Variants in JMJD1C observed in about 807,000 individuals in gnomAD.
The protein encoded by JMJD1C is jumonji domain containing 1C.
In JMJD1C, 31 loss-of-function variants were observed where a neutral mutation model predicts 245.3. The ratio of observed to expected loss-of-function variants is 0.13; its 90% confidence interval spans 0.09 to 0.17. The LOEUF is 0.17. JMJD1C is among the 10% of genes least tolerant of loss of function. The pLI is 1.00. For missense variants in JMJD1C, 2,691 were observed against 3,000.2 expected (o/e 0.90, Z 2.41); for synonymous variants, 1,057 against 1,017.4 (o/e 1.04, Z -0.74).
chr10:63,377,242 G>C (rs1328662652), intron 2 of JMJD1C, among the ~76,000 whole-genome samples: 1 of 152,158 alleles, frequency 6.6e-6, no homozygotes, highest in African/African-American at 2.4e-5. Context: ...GGGCCAGGAA[G>C]ACGGGGGAAT....
chr10:63,432,991 C>T (rs2132855779), intron 1 of JMJD1C, among the ~76,000 whole-genome samples: 1 of 152,308 alleles, frequency 6.6e-6, no homozygotes, highest in Admixed American at 6.5e-5. Flanking sequence ...CTGAGTTCTT[C>T]TCTTCACTGT....
intron 1 of JMJD1C, among the ~76,000 whole-genome samples, chr10:63,496,647 GTTT>G (rs1369975278): frequency 6.6e-6 from 1 of 152,212 alleles, no homozygotes; most frequent in Non-Finnish European, 1.5e-5. Flanking sequence ...GATAGCCTCA[GTTT>G]CTGTCCCAAA....
At chr10:63,312,117 G>T (rs10995498) in intron 2 of JMJD1C, among the ~76,000 whole-genome samples, 6,760 of 92,080 alleles carry the variant, frequency 0.073, 263 homozygotes, top group African/African-American at 0.13. Context: ...TTTTTTTTTT[G>T]TGTGTGTGAG....
intron 2 of JMJD1C, among the ~76,000 whole-genome samples, chr10:63,315,223 GGTACTGA>G (rs1939814156): frequency 6.6e-6 from 1 of 152,212 alleles, no homozygotes; most frequent in East Asian, 1.9e-4. Flanking sequence ...TCATCACCCA[GGTACTGA>G]GCATAGTACC....
chr10:63,271,905 T>A (rs1184079237), intron 2 of JMJD1C, among the ~76,000 whole-genome samples: 1 of 151,842 alleles, frequency 6.6e-6, no homozygotes, highest in Non-Finnish European at 1.5e-5. Context: ...CAAACCCCGT[T>A]TGTACTAAAA....
rs78837621 is a variant in JMJD1C at position 63,342,136 on chromosome 10, G to A, written c.333+38182C>T. ...GCTAAAGGAAGTAGATAACGAAGAC[G>A]ACTTTGACACTGATAATGATATTCC... On this transcript the variant is annotated intron_variant, in intron 2 of 25. Transcript: ENST00000399262. 5.9e-3 allele frequency among the ~76,000 whole-genome samples: 892 copies of A among 152,306 alleles called. 5 individuals are homozygous for A. The highest frequency in any genetic ancestry group is 0.016 in the African/African-American group (661 of 41,552).
In JMJD1C at chr10:63,248,679, T is replaced by C. The variant is rs183701472; in HGVS notation, c.447+15972A>G. ...TTGTGAAAAACAACATGGAAACTTC[T>C]CAGAAAACTAAAAATATAACTATGA... On this transcript the variant is annotated intron_variant, in intron 3 of 25. Coordinates refer to ENST00000399262, the MANE Select transcript of JMJD1C (RefSeq NM_032776.3). Among the ~76,000 whole-genome samples, 15 of 152,228 alleles carry C rather than the reference T, an allele frequency of 9.9e-5. No individual in the cohort carries two copies. The East Asian group carries it at 1.5e-3, about 16-fold the overall frequency.
chr10:63,231,908 G>A (rs1850062853), intron 3 of JMJD1C, among the ~76,000 whole-genome samples: 1 of 152,158 alleles, frequency 6.6e-6, no homozygotes, highest in Non-Finnish European at 1.5e-5. Flanking sequence ...TGTGATCACA[G>A]CTCACTGCAG....
intron 1 of JMJD1C, among the ~76,000 whole-genome samples, chr10:63,516,220 T>A (rs1955014596): frequency 7.4e-6 from 1 of 135,836 alleles, no homozygotes; most frequent in Non-Finnish European, 1.6e-5. Context: ...TGGGTATGTT[T>A]CTGGACTTTG....
intron 1 of JMJD1C, among the ~76,000 whole-genome samples, chr10:63,394,743 C>T (rs749532462): frequency 9.9e-5 from 15 of 151,806 alleles, no homozygotes; most frequent in Non-Finnish European, 2.1e-4. Context: ...ACTTGGGAGG[C>T]TGAGGCAGGA....
chr10:63,308,625 G>A (rs1442320237), intron 2 of JMJD1C, among the ~76,000 whole-genome samples: 1 of 144,110 alleles, frequency 6.9e-6, no homozygotes, highest in Non-Finnish European at 1.5e-5. Context: ...AAAAAAAACA[G>A]TTGGAAGCTT....
At chr10:63,507,535 C>T (rs1038608611) in intron 1 of JMJD1C, among the ~76,000 whole-genome samples, 8 of 149,466 alleles carry the variant, frequency 5.4e-5, no homozygotes, top group Non-Finnish European at 1.5e-5. Context: ...ATCCTAGCTA[C>T]TCGGGAGACT....
At chr10:63,226,939 G>A (rs547073570) in intron 3 of JMJD1C, among the ~76,000 whole-genome samples, 6 of 151,934 alleles carry the variant, frequency 3.9e-5, no homozygotes, top group South Asian at 2.1e-4. Flanking sequence ...GTAGTGGTGC[G>A]CATCTATAAT....
At chr10:63,414,057 G>A (rs1025931323) in intron 1 of JMJD1C, among the ~76,000 whole-genome samples, 2 of 149,970 alleles carry the variant, frequency 1.3e-5, no homozygotes, top group Non-Finnish European at 2.9e-5. Context: ...TGCGATCTTG[G>A]CTCACTGCAA....
chr10:63,204,973 G>T, intron 10 of JMJD1C: 1 of 984,894 alleles, frequency 1.0e-6, no homozygotes, highest in Non-Finnish European at 1.2e-6. Flanking sequence ...TTCATATATT[G>T]TATGTGGATG....
At chr10:63,513,017 T>A (rs1954916372) in intron 1 of JMJD1C, among the ~76,000 whole-genome samples, 1 of 152,226 alleles carries the variant, frequency 6.6e-6, no homozygotes, top group South Asian at 2.1e-4. Context: ...TTTTTTACTA[T>A]TTTTTATTCT....
intron 1 of JMJD1C, chr10:63,382,689 T>C: frequency 4.6e-6 from 2 of 437,910 alleles, no homozygotes; most frequent in Admixed American, 5.0e-5. Flanking sequence ...TCATAGGACA[T>C]TCAATCATTC....
intron 2 of JMJD1C, among the ~76,000 whole-genome samples, chr10:63,370,348 C>T (rs1001711818): frequency 1.3e-5 from 2 of 152,154 alleles, no homozygotes; most frequent in Non-Finnish European, 2.9e-5. Flanking sequence ...AAAGTGTACA[C>T]CTATCTAAAC....
chr10:63,193,835 T>A (rs1845132740), intron 14 of JMJD1C, among the ~76,000 whole-genome samples: 1 of 152,010 alleles, frequency 6.6e-6, no homozygotes. Flanking sequence ...CCCGGCTAAT[T>A]TTTTGTATTT....
Sources: gnomAD v4.1 joint callset for allele counts (sites outside exome capture counted in the v4.1 genomes callset) on GRCh38, gnomAD v4.1.1 for gene constraint, MANE v1.5 for transcripts, NCBI Gene and HGNC (gene_info 2026-07-23, HGNC 2026-07-21) for gene names.